KCNJ10: variants seen among roughly 807,000 people sequenced by gnomAD.
The protein encoded by KCNJ10 is potassium inwardly rectifying channel subfamily J member 10, also known as ATP-sensitive inward rectifier potassium channel 10.
In KCNJ10, 9 loss-of-function variants were observed where a neutral mutation model predicts 22.2. That is an observed-to-expected ratio of 0.40 (90% CI 0.24 to 0.71). The LOEUF is 0.71. Ranked by LOEUF, KCNJ10 falls within the 30% of genes least tolerant of loss-of-function variation. KCNJ10 has a pLI of 0.35. For missense variants in KCNJ10, 337 were observed against 482.7 expected, an observed-to-expected ratio of 0.70 and a Z score of 2.83; for synonymous variants, 184 against 187.3, an observed-to-expected ratio of 0.98 and a Z score of 0.15.
chr1:160,059,062 C>T lies in KCNJ10; in HGVS notation c.-1+10960G>A, dbSNP rs1649119322. 2.0e-5 allele frequency among the ~76,000 whole-genome samples: 3 copies of T among 152,282 alleles called. No individual in the cohort carries two copies. In the South Asian group the frequency reaches 6.2e-4, roughly 32 times the overall value. On this transcript the variant is annotated intron_variant, in intron 1 of 1. Transcript: ENST00000644903. ...ATTGTGCTGGACGCTCCATGCCGTG[C>T]TTCATCCTAGCCTCCCTAGGGGGGC...
chr1:160,058,343 C>T (rs1313378958), intron 1 of KCNJ10, among the ~76,000 whole-genome samples: 1 of 152,188 alleles, frequency 6.6e-6, no homozygotes, highest in Non-Finnish European at 1.5e-5. Context: ...CTACTCTCTA[C>T]AATGAGAGGG....
chr1:160,058,455 G>A (rs1179649695), intron 1 of KCNJ10, among the ~76,000 whole-genome samples: 1 of 152,230 alleles, frequency 6.6e-6, no homozygotes, highest in African/African-American at 2.4e-5. Context: ...CTCTAGTGGT[G>A]AGAAAGGACA....
chr1:160,051,202 A>G (rs574741288), intron 1 of KCNJ10, among the ~76,000 whole-genome samples: 1 of 152,018 alleles, frequency 6.6e-6, no homozygotes, highest in African/African-American at 2.4e-5. Context: ...GATTACAGGC[A>G]TGAGCTACGG....
rs1414109696 is a variant in KCNJ10, at chr1:160,037,710, A to G, written c.*3683T>C. 6.6e-6 allele frequency: 1 copy of G among 152,248 alleles called. No individual in the cohort carries two copies. The highest frequency in any genetic ancestry group is 1.5e-5 in the Non-Finnish European group (1 of 68,062). 9.4% of individuals were successfully genotyped at this position (152,248 alleles called of 1,614,324 possible). ...ACTGTACAAGTGAACTAGGTTAGCT[A>G]GCAAGAATAAAGGACCAGGGCAGCA... is the stretch of plus-strand genomic sequence containing the variant. On this transcript the variant is annotated 3_prime_UTR_variant, in exon 2 of 2. Coordinates refer to ENST00000644903, the MANE Select transcript of KCNJ10 (RefSeq NM_002241.5).
intron 1 of KCNJ10, among the ~76,000 whole-genome samples, chr1:160,049,675 T>TTATATATATATA (rs57790887): frequency 1.9e-4 from 9 of 47,110 alleles, no homozygotes; most frequent in Admixed American, 9.6e-4. Flanking sequence ...TTTTATTTAT[T>TTATATATATATA]TATATATATA....
intron 1 of KCNJ10, among the ~76,000 whole-genome samples, chr1:160,048,178 G>A (rs1404751082): frequency 8.4e-6 from 1 of 118,982 alleles, no homozygotes; most frequent in African/African-American, 3.3e-5. Flanking sequence ...AGTATAGTTT[G>A]TTAAGAAAGA....
intron 1 of KCNJ10, among the ~76,000 whole-genome samples, chr1:160,046,639 C>A (rs1648747508): frequency 1.3e-5 from 2 of 152,172 alleles, no homozygotes; most frequent in African/African-American, 2.4e-5. Flanking sequence ...GTATCTGCCA[C>A]CTCCAGCTGT....
At chr1:160,043,345 C>G (rs2101925710) in intron 1 of KCNJ10, among the ~76,000 whole-genome samples, 1 of 151,272 alleles carries the variant, frequency 6.6e-6, no homozygotes, top group Non-Finnish European at 1.5e-5. Flanking sequence ...CTGCTCTACC[C>G]CCAAGCCAAT....
intron 1 of KCNJ10, 123 bp from the exon 2 acceptor site, chr1:160,042,655 C>T (rs1648640100): frequency 2.1e-6 from 2 of 951,084 alleles, no homozygotes; most frequent in Non-Finnish European, 3.3e-6. Context: ...CTTGTCTTAC[C>T]AAATATTTAT....
chr1:160,043,315 A>ACACACACACACAC (rs75470525), intron 1 of KCNJ10, among the ~76,000 whole-genome samples: 3 of 131,090 alleles, frequency 2.3e-5, no homozygotes, highest in African/African-American at 2.7e-5. Flanking sequence ...ACACACACAC[A>ACACACACACACAC]ACCTTAATTT....
At chr1:160,059,519 A>C (rs564494740) in intron 1 of KCNJ10, among the ~76,000 whole-genome samples, 1 of 150,574 alleles carries the variant, frequency 6.6e-6, no homozygotes, top group Admixed American at 6.6e-5. Flanking sequence ...ATCCACAGAA[A>C]CTCTTCCCCA....
In KCNJ10 at chr1:160,042,606, G is replaced by A. The variant is rs955810161; in HGVS notation, c.1-74C>T. 1.8e-5 allele frequency: 23 copies of A among 1,297,360 alleles called. No individual in the cohort carries two copies. The African/African-American group carries it at 3.1e-4, about 17-fold the overall frequency. 80.4% of individuals were successfully genotyped at this position (1,297,360 alleles called of 1,614,324 possible). On this transcript the variant is annotated intron_variant, in intron 1 of 1. Coordinates refer to ENST00000644903, the MANE Select transcript of KCNJ10 (RefSeq NM_002241.5). ...GACTCCTAACCCTCACCCCATGGGA[G>A]GGAGGAATTAACATTCATTTGAATG...
chr1:160,060,360 T>G (rs1044213710), intron 1 of KCNJ10, among the ~76,000 whole-genome samples: 1 of 151,974 alleles, frequency 6.6e-6, no homozygotes, highest in African/African-American at 2.4e-5. Flanking sequence ...TAGGGAACAT[T>G]TGGAGCAAAA....
chr1:160,060,425 CAGAT>C (rs1443002130), intron 1 of KCNJ10, among the ~76,000 whole-genome samples: 3 of 151,988 alleles, frequency 2.0e-5, no homozygotes, highest in African/African-American at 7.3e-5. Context: ...TGAAGGAAGA[CAGAT>C]GGATGAGGCG....
intron 1 of KCNJ10, among the ~76,000 whole-genome samples, chr1:160,058,755 C>A (rs1649108300): frequency 6.6e-6 from 1 of 152,214 alleles, no homozygotes; most frequent in South Asian, 2.1e-4. Flanking sequence ...TGTTCTCTAT[C>A]TGTACCCACC....
chr1:160,060,961 G>T (rs1649176463), intron 1 of KCNJ10, among the ~76,000 whole-genome samples: 1 of 152,138 alleles, frequency 6.6e-6, no homozygotes. Context: ...CCGGTAGGAG[G>T]GTGGGAAGTG....
intron 1 of KCNJ10, among the ~76,000 whole-genome samples, chr1:160,044,006 T>C (rs2101925988): frequency 6.6e-6 from 1 of 152,348 alleles, no homozygotes; most frequent in Non-Finnish European, 1.5e-5. Context: ...CATTGCATTT[T>C]ATGATTCTTC....
intron 1 of KCNJ10, among the ~76,000 whole-genome samples, chr1:160,062,078 C>T (rs1281967525): frequency 2.0e-5 from 3 of 152,038 alleles, no homozygotes; most frequent in Admixed American, 6.5e-5. Context: ...AACTCCTCCA[C>T]AGACTGCCCC....
chr1:160,053,761 C>T (rs1298099905), intron 1 of KCNJ10, among the ~76,000 whole-genome samples: 1 of 152,154 alleles, frequency 6.6e-6, no homozygotes, highest in Non-Finnish European at 1.5e-5. Context: ...GAAGAATAGG[C>T]TTTTCTTCTC....
Sources: gnomAD v4.1 joint callset for allele counts (sites outside exome capture counted in the v4.1 genomes callset) on GRCh38, gnomAD v4.1.1 for gene constraint, MANE v1.5 for transcripts, NCBI Gene and HGNC (gene_info 2026-07-23, HGNC 2026-07-21) for gene names.